EPB41L4A: variants seen among roughly 807,000 people sequenced by gnomAD.
EPB41L4A encodes band 4.1-like protein 4A.
Under a neutral mutation model 108.6 loss-of-function variants are expected in EPB41L4A, and 100 were observed. The ratio of observed to expected loss-of-function variants is 0.92; its 90% CI spans 0.78 to 1.09. The LOEUF is 1.09. Ranked by LOEUF, EPB41L4A falls within the 50% of genes least tolerant of loss-of-function variation. The pLI is 0.00. For synonymous variants in EPB41L4A, 319 were observed against 289.0 expected (o/e 1.10, Z -1.05); for missense variants, 1,030 against 842.7 (o/e 1.22, Z -2.75).
At chr5:112,406,461 C>G (rs1027039052) in intron 1 of EPB41L4A, among the ~76,000 whole-genome samples, 6 of 152,104 alleles carry the variant, frequency 3.9e-5, no homozygotes, top group African/African-American at 1.4e-4. Context: ...CAATAAGTAT[C>G]ATTCTGAAAA....
intron 5 of EPB41L4A, among the ~76,000 whole-genome samples, chr5:112,265,740 A>G (rs2150457816): frequency 1.3e-5 from 2 of 152,102 alleles, no homozygotes; most frequent in East Asian, 3.9e-4. Flanking sequence ...AGTCTCCAAA[A>G]TGACAATGCA....
At chr5:112,390,426 AC>A (rs1760859377) in intron 1 of EPB41L4A, among the ~76,000 whole-genome samples, 1 of 152,186 alleles carries the variant, frequency 6.6e-6, no homozygotes, top group African/African-American at 2.4e-5. Flanking sequence ...TCTCACACCC[AC>A]GGAGCCTTGC....
chr5:112,227,613 C>T (rs76495878), intron 12 of EPB41L4A, among the ~76,000 whole-genome samples: 4,409 of 152,256 alleles, frequency 0.029, 225 homozygotes, highest in African/African-American at 0.1. Flanking sequence ...CTTACTGGAT[C>T]GCACTGATAC....
At chr5:112,314,444 G>C (rs1206571961) in intron 1 of EPB41L4A, among the ~76,000 whole-genome samples, 1 of 147,126 alleles carries the variant, frequency 6.8e-6, no homozygotes, top group Non-Finnish European at 1.5e-5. Flanking sequence ...GAGGCGGGTG[G>C]ATCACCTGAG....
intron 18 of EPB41L4A, chr5:112,175,308 G>C (rs1760805836): frequency 6.6e-6 from 1 of 152,200 alleles, no homozygotes; most frequent in East Asian, 1.9e-4. Flanking sequence ...GTTCAACAAA[G>C]CTTTTTTCCT....
rs1182988292 is a variant in EPB41L4A, at chr5:112,204,574, C to A, written c.1263-86G>T. 20 of 766,922 alleles carry A rather than the reference C, an allele frequency of 2.6e-5. No homozygotes were observed. The Admixed American group carries it at 3.4e-4, about 13-fold the overall frequency. The allele number at this position is 766,922 out of a possible 1,614,324, so 47.5% of individuals were successfully genotyped here. ...CAGCCCAGACCTATTCATAACTGCA[C>A]AGCTGGTACTTCCAGAGGCACATGC... On this transcript the variant is annotated intron_variant, in intron 14 of 22. Transcript: ENST00000261486.
intron 12 of EPB41L4A, among the ~76,000 whole-genome samples, chr5:112,227,419 C>T (rs1460811770): frequency 6.6e-6 from 1 of 152,170 alleles, no homozygotes; most frequent in African/African-American, 2.4e-5. Context: ...GAGAAGGAAA[C>T]TAAAGTGTAC....
At chr5:112,387,790 G>C (rs2112649162) in intron 1 of EPB41L4A, among the ~76,000 whole-genome samples, 1 of 152,198 alleles carries the variant, frequency 6.6e-6, no homozygotes, top group Non-Finnish European at 1.5e-5. Context: ...ATATAAAACA[G>C]GTTTGTTAAT....
chr5:112,263,439 C>T (rs1158792031), intron 6 of EPB41L4A: 1 of 152,198 alleles, frequency 6.6e-6, no homozygotes, highest in Non-Finnish European at 1.5e-5. Flanking sequence ...TTTGATCAAG[C>T]TTTATTCTTA....
chr5:112,142,227 T>C (rs193160359), downstream of EPB41L4A, among the ~76,000 whole-genome samples: 1 of 152,356 alleles, frequency 6.6e-6, no homozygotes, highest in Non-Finnish European at 1.5e-5. Context: ...TCCCACGGGA[T>C]GGAGTTCCAC....
At chr5:112,296,577 G>A (rs575674102) in intron 2 of EPB41L4A, among the ~76,000 whole-genome samples, 11 of 152,134 alleles carry the variant, frequency 7.2e-5, no homozygotes, top group Admixed American at 6.5e-4. Flanking sequence ...TAAAAGATGC[G>A]CTTCCAATAA....
chr5:112,212,900 C>A (rs1389730008), intron 12 of EPB41L4A, among the ~76,000 whole-genome samples: 6 of 152,164 alleles, frequency 3.9e-5, no homozygotes, highest in African/African-American at 1.4e-4. Context: ...CTTAGTCTAA[C>A]AATCAATTAC....
At chr5:112,185,006 A>G (rs948870766) in intron 17 of EPB41L4A, among the ~76,000 whole-genome samples, 1 of 151,988 alleles carries the variant, frequency 6.6e-6, no homozygotes, top group Non-Finnish European at 1.5e-5. Context: ...TCTTTCAAAT[A>G]ATGAGGTGCA....
At chr5:112,339,526 ATC>A (rs1434452312) in intron 1 of EPB41L4A, among the ~76,000 whole-genome samples, 42 of 65,462 alleles carry the variant, frequency 6.4e-4, no homozygotes, top group African/African-American at 2.2e-3. Flanking sequence ...ATAGATATAT[ATC>A]TATATATATA....
chr5:112,150,224 C>G (rs982886847), intron 12 of EPB41L4A, among the ~76,000 whole-genome samples: 1 of 152,070 alleles, frequency 6.6e-6, no homozygotes, highest in Non-Finnish European at 1.5e-5. Flanking sequence ...TCTAGAGGAA[C>G]AGACTCAAAT....
intron 12 of EPB41L4A, among the ~76,000 whole-genome samples, chr5:112,146,600 T>C (rs891213798): frequency 6.6e-6 from 1 of 152,178 alleles, no homozygotes; most frequent in Non-Finnish European, 1.5e-5. Context: ...ATATAAAAAA[T>C]TTATTTTTGT....
At chr5:112,350,535 A>G (rs1460845390) in intron 1 of EPB41L4A, among the ~76,000 whole-genome samples, 2 of 152,316 alleles carry the variant, frequency 1.3e-5, no homozygotes, top group East Asian at 3.9e-4. Context: ...ATTGTTAACT[A>G]AAGTCACCCT....
chr5:112,238,614 C>G (rs1197862049), intron 11 of EPB41L4A, among the ~76,000 whole-genome samples: 2 of 152,178 alleles, frequency 1.3e-5, no homozygotes, highest in African/African-American at 2.4e-5. Flanking sequence ...CTTAAGGAAG[C>G]ATTTCATTCA....
intron 2 of EPB41L4A, among the ~76,000 whole-genome samples, chr5:112,282,780 T>C (rs1753050771): frequency 6.6e-6 from 1 of 152,214 alleles, no homozygotes; most frequent in Admixed American, 6.5e-5. Context: ...TTGGTCTTAT[T>C]ACTGTCTGTC....
Sources: allele counts gnomAD v4.1 joint callset (sites outside exome capture counted in the v4.1 genomes callset), GRCh38; gene constraint gnomAD v4.1.1; transcripts MANE v1.5; gene names NCBI Gene and HGNC (gene_info 2026-07-23, HGNC 2026-07-21).